SMOC2: variants seen among roughly 807,000 people sequenced by gnomAD.
The protein encoded by SMOC2 is SPARC-related modular calcium-binding protein 2.
In SMOC2, 39 loss-of-function variants were observed where a neutral mutation model predicts 61.4. That is an observed-to-expected ratio of 0.64 (90% CI 0.49 to 0.83). The LOEUF (loss-of-function observed/expected upper bound fraction) is 0.83, where lower values mean the gene tolerates loss of function less well. Ranked by LOEUF, SMOC2 falls within the 40% of genes least tolerant of loss-of-function variation. The pLI is 0.00. For missense variants in SMOC2, 556 were observed against 592.9 expected (o/e 0.94, Z 0.65); for synonymous variants, 247 against 239.9 (o/e 1.03, Z -0.27).
intron 1 of SMOC2, among the ~76,000 whole-genome samples, chr6:168,447,407 G>A (rs927715667): frequency 6.6e-6 from 1 of 152,074 alleles, no homozygotes; most frequent in Non-Finnish European, 1.5e-5. Flanking sequence ...CCAAGATACT[G>A]ACCGTGGATG....
At chr6:168,660,979 A>G (rs1316256953) in intron 11 of SMOC2, among the ~76,000 whole-genome samples, 2 of 152,228 alleles carry the variant, frequency 1.3e-5, no homozygotes, top group Non-Finnish European at 2.9e-5. Context: ...AGTAATCAAG[A>G]AGAAAGAATA....
intron 9 of SMOC2, among the ~76,000 whole-genome samples, chr6:168,632,943 G>T (rs113937992): frequency 0.011 from 1,706 of 152,310 alleles, 32 homozygotes; most frequent in African/African-American, 0.039. Context: ...TCTCAGGTCT[G>T]CAGGTGCAGA....
At chr6:168,562,509 G>T (rs1784444064) in intron 7 of SMOC2, among the ~76,000 whole-genome samples, 1 of 152,226 alleles carries the variant, frequency 6.6e-6, no homozygotes, top group Non-Finnish European at 1.5e-5. Flanking sequence ...TTCGGAGGAG[G>T]TGTTATTTTC....
At chr6:168,558,279 A>G (rs1197773359) in intron 7 of SMOC2, among the ~76,000 whole-genome samples, 1 of 152,154 alleles carries the variant, frequency 6.6e-6, no homozygotes, top group African/African-American at 2.4e-5. Context: ...GAGACGGGAG[A>G]GTGGTTGGTG....
At chr6:168,528,194 A>C (rs1173358254) in intron 4 of SMOC2, among the ~76,000 whole-genome samples, 2 of 152,164 alleles carry the variant, frequency 1.3e-5, no homozygotes, top group African/African-American at 4.8e-5. Flanking sequence ...ATTACTCGTA[A>C]GAGGGCTTGA....
intron 8 of SMOC2, among the ~76,000 whole-genome samples, chr6:168,606,944 G>C (rs1785709272): frequency 6.6e-6 from 1 of 152,160 alleles, no homozygotes; most frequent in African/African-American, 2.4e-5. Context: ...GGAGGGGCAG[G>C]GGGCTGGGGA....
chr6:168,551,886 G>A (rs1355260778), intron 7 of SMOC2, among the ~76,000 whole-genome samples: 1 of 152,208 alleles, frequency 6.6e-6, no homozygotes, highest in Non-Finnish European at 1.5e-5. Flanking sequence ...AGATTTCCAA[G>A]ACTTCAAATG....
intron 1 of SMOC2, among the ~76,000 whole-genome samples, chr6:168,491,508 A>C (rs2115033039): frequency 6.6e-6 from 1 of 152,274 alleles, no homozygotes; most frequent in South Asian, 2.1e-4. Flanking sequence ...TTTTAAAATA[A>C]GTATTTGGGA....
At chr6:168,542,302 A>G (rs1300136311) in intron 4 of SMOC2, among the ~76,000 whole-genome samples, 1 of 152,208 alleles carries the variant, frequency 6.6e-6, no homozygotes, top group African/African-American at 2.4e-5. Context: ...TCTTACCAAG[A>G]AAAACCTTGT....
chr6:168,552,796 A>C (rs1784155996), intron 7 of SMOC2, among the ~76,000 whole-genome samples: 1 of 152,062 alleles, frequency 6.6e-6, no homozygotes. Flanking sequence ...TACCCAGGCC[A>C]GACTGGATTT....
intron 2 of SMOC2, among the ~76,000 whole-genome samples, chr6:168,513,787 A>C (rs2248680): frequency 0.9 from 136,336 of 152,290 alleles, 61,961 homozygotes; most frequent in East Asian, 1. Context: ...TCAGTTCAGC[A>C]CTGGGTGCCC....
chr6:168,560,187 G>A (rs1453205220), intron 7 of SMOC2, among the ~76,000 whole-genome samples: 1 of 151,978 alleles, frequency 6.6e-6, no homozygotes, highest in African/African-American at 2.4e-5. Context: ...GCCTACATTT[G>A]TGTCTCAGAT....
chr6:168,461,894 A>C (rs2763223), intron 1 of SMOC2, among the ~76,000 whole-genome samples: 65,810 of 152,108 alleles, frequency 0.43, 15,214 homozygotes, highest in Non-Finnish European at 0.5. Context: ...TTTTAAGTCA[A>C]GGATACGATG....
At chr6:168,653,787 C>T (rs1376623076) in intron 11 of SMOC2, among the ~76,000 whole-genome samples, 1 of 149,214 alleles carries the variant, frequency 6.7e-6, no homozygotes, top group Non-Finnish European at 1.5e-5. Flanking sequence ...ACCTGAGCTC[C>T]AACCAGATGT....
chr6:168,538,304 ACCCCTGCTGGAATGTGGGGGAGTGGGG>A, intron 4 of SMOC2, among the ~76,000 whole-genome samples: 4 of 101,394 alleles, frequency 3.9e-5, no homozygotes, highest in Admixed American at 1.2e-4. Context: ...GAGTGGGGTG[ACCCCTGCTGGAATGTGGGGGAGTGGGG>A]TGACCGCTGC....
In SMOC2 at chr6:168,666,434, G is replaced by T; in HGVS notation, c.1337G>T (p.Gly446Val). The change falls in exon 13 of 13, where the codon GGA becomes GTA. Residue 446 changes from glycine (G) to valine (V), a missense_variant. By Grantham distance (109) the Gly-to-Val change is moderately radical. Transcript: ENST00000356284. ...STSNRQPRKQ[G>V] Reference sequence around the variant, plus strand: ...TTTCCTTTTCAGCCAAGGAAACAAGGATAAATGGCTCATACCCCGAAGGCA... The same window carrying T: ...TTTCCTTTTCAGCCAAGGAAACAAGTATAAATGGCTCATACCCCGAAGGCA... 6.2e-7 allele frequency: 1 copy of T among 1,613,840 alleles called. No homozygotes were observed.
At chr6:168,512,931 G>A (rs925910515) in intron 2 of SMOC2, among the ~76,000 whole-genome samples, 2 of 152,184 alleles carry the variant, frequency 1.3e-5, no homozygotes, top group Non-Finnish European at 2.9e-5. Flanking sequence ...AAAATGTGTG[G>A]AAGTGAAAGA....
chr6:168,628,891 G>A (rs747967492), intron 9 of SMOC2, among the ~76,000 whole-genome samples: 8 of 152,224 alleles, frequency 5.3e-5, no homozygotes, highest in African/African-American at 9.6e-5. Context: ...CACAGTTTCC[G>A]ACCTTGGGCC....
intron 9 of SMOC2, among the ~76,000 whole-genome samples, chr6:168,615,128 T>TAC (rs1562383830): frequency 6.5e-5 from 1 of 15,314 alleles, no homozygotes; most frequent in African/African-American, 2.5e-4. Context: ...CCTCTTTACA[T>TAC]CTACAGCCAG....
Sources: allele counts gnomAD v4.1 joint callset (sites outside exome capture counted in the v4.1 genomes callset), GRCh38; gene constraint gnomAD v4.1.1; transcripts MANE v1.5; gene names NCBI Gene and HGNC (gene_info 2026-07-23, HGNC 2026-07-21).